The following NSUN6 variants were observed in gnomAD, a reference collection of about 807,000 sequenced individuals.
NSUN6 encodes tRNA (cytosine(72)-C(5))-methyltransferase NSUN6.
In NSUN6, 64 loss-of-function variants were observed where a neutral mutation model predicts 58.0. The ratio of observed to expected loss-of-function variants is 1.10; its 90% CI spans 0.90 to 1.36. NSUN6 has a LOEUF of 1.36. NSUN6 is among the 40% of genes most tolerant of loss of function. NSUN6 has a pLI of 0.00. For missense variants in NSUN6, 701 were observed against 550.1 expected (o/e 1.27, Z -2.74); for synonymous variants, 231 against 193.9 (o/e 1.19, Z -1.59).
upstream of NSUN6, chr10:18,653,061 A>G (rs2059736394): frequency 1.0e-6 from 1 of 984,444 alleles, no homozygotes; most frequent in African/African-American, 1.7e-5. Flanking sequence ...TGTCTAAATC[A>G]GACATTTCCA....
intron 8 of NSUN6, among the ~76,000 whole-genome samples, chr10:18,576,822 A>C (rs2056672731): frequency 6.6e-6 from 1 of 152,202 alleles, no homozygotes; most frequent in African/African-American, 2.4e-5. Context: ...CTGCCAAGTA[A>C]CTGGAGTGGC....
At chr10:18,653,722 C>T (rs555671851), upstream of NSUN6, among the ~76,000 whole-genome samples, 22 of 152,176 alleles carry the variant, frequency 1.4e-4, no homozygotes, top group Admixed American at 6.5e-4. Context: ...TTAATGTTGA[C>T]GAAGATATCT....
At chr10:18,577,562 T>C (rs1282110597) in intron 8 of NSUN6, among the ~76,000 whole-genome samples, 1 of 152,088 alleles carries the variant, frequency 6.6e-6, no homozygotes, top group East Asian at 1.9e-4. Context: ...GTTTCTCCTT[T>C]TGGAAAATCA....
intron 8 of NSUN6, among the ~76,000 whole-genome samples, chr10:18,562,892 GGAATGGAATGGAAGGAA>G (rs757420472): frequency 0.021 from 3,068 of 148,202 alleles, 40 homozygotes; most frequent in African/African-American, 0.029. Flanking sequence ...GGCATGGAGT[GGAATGGAATGGAAGGAA>G]GAATGGAATG....
intron 7 of NSUN6, among the ~76,000 whole-genome samples, chr10:18,586,821 C>G (rs1190510141): frequency 1.3e-5 from 2 of 152,170 alleles, no homozygotes; most frequent in African/African-American, 4.8e-5. Context: ...CCTTATTTGG[C>G]CCCGCCCACA....
chr10:18,610,039 A>G, intron 5 of NSUN6, 113 bp from the exon 6 acceptor site: 2 of 697,444 alleles, frequency 2.9e-6, no homozygotes, highest in Non-Finnish European at 5.1e-6. Context: ...CTATCTTTTT[A>G]AGAACTATTT....
At chr10:18,629,080 A>C (rs2058934436) in intron 3 of NSUN6, among the ~76,000 whole-genome samples, 1 of 152,230 alleles carries the variant, frequency 6.6e-6, no homozygotes, top group Non-Finnish European at 1.5e-5. Context: ...ACAAGCCAGA[A>C]GAGAGTGGGG....
intron 10 of NSUN6, among the ~76,000 whole-genome samples, chr10:18,546,937 G>GAAGAAA (rs929993571): frequency 2.0e-5 from 3 of 151,064 alleles, no homozygotes; most frequent in South Asian, 2.1e-4. Flanking sequence ...GGGAGGGGAA[G>GAAGAAA]AAGAAAAAGA....
chr10:18,628,484 G>A lies in NSUN6; in HGVS notation c.312-12191C>T, dbSNP rs552395959. On this transcript the variant is annotated intron_variant, in intron 3 of 10. Coordinates refer to ENST00000377304, the MANE Select transcript of NSUN6 (RefSeq NM_182543.5). ...GCTACGGGAGGAAATTCAAACCAAA[G>A]GCATTGAAGTTGAAAACTTTGAAAA... Among the ~76,000 whole-genome samples, 22 of 152,172 alleles carry A rather than the reference G, an allele frequency of 1.4e-4. 1 individual carries two copies. In the South Asian group the frequency reaches 4.6e-3, roughly 32 times the overall value.
chr10:18,582,396 G>A (rs2131080013), intron 8 of NSUN6, among the ~76,000 whole-genome samples: 1 of 152,268 alleles, frequency 6.6e-6, no homozygotes, highest in East Asian at 1.9e-4. Context: ...TTAAGCCTCA[G>A]CACACTCTTG....
chr10:18,618,696 A>G (rs562786404), intron 3 of NSUN6, among the ~76,000 whole-genome samples: 66 of 151,770 alleles, frequency 4.3e-4, no homozygotes, highest in African/African-American at 1.5e-3. Flanking sequence ...AAAAAAAAAA[A>G]AAAAAGAAAC....
intron 7 of NSUN6, among the ~76,000 whole-genome samples, chr10:18,587,055 T>C (rs2131126991): frequency 6.6e-6 from 1 of 152,344 alleles, no homozygotes; most frequent in African/African-American, 2.4e-5. Flanking sequence ...GGCTTTCCAT[T>C]AAGAAAATAC....
At chr10:18,643,416 T>C (rs1207754374) in intron 2 of NSUN6, among the ~76,000 whole-genome samples, 1 of 151,982 alleles carries the variant, frequency 6.6e-6, no homozygotes, top group Non-Finnish European at 1.5e-5. Context: ...ACATACTACA[T>C]AAAAGACCAA....
chr10:18,590,117 T>C (rs891131737), intron 7 of NSUN6, among the ~76,000 whole-genome samples: 3 of 152,032 alleles, frequency 2.0e-5, no homozygotes, highest in Admixed American at 2.0e-4. Flanking sequence ...TCCTAGTCTC[T>C]GATAAAACAG....
chr10:18,597,703 T>C (rs2057646679), intron 6 of NSUN6, among the ~76,000 whole-genome samples: 1 of 152,062 alleles, frequency 6.6e-6, no homozygotes, highest in South Asian at 2.1e-4. Context: ...GAGGTGGAGT[T>C]TGCAGTGAGC....
rs761482085 is a variant in NSUN6 at position 18,548,250 on chromosome 10, G to A, written c.1072-13C>T. 1.9e-6 allele frequency: 3 copies of A among 1,610,162 alleles called. No homozygotes were observed. Among genetic ancestry groups the A allele is most frequent in the Non-Finnish European group, 1.7e-6 (2 of 1,177,412 alleles). ...GCAGCTGAACCGCCTAAAGAAAACT[G>A]TGATCAGACCACACACAGCACAAGA... is the stretch of plus-strand genomic sequence containing the variant. On this transcript the variant is annotated splice_polypyrimidine_tract_variant and intron_variant, in intron 9 of 10. Coordinates refer to ENST00000377304, the MANE Select transcript of NSUN6 (RefSeq NM_182543.5).
intron 3 of NSUN6, among the ~76,000 whole-genome samples, chr10:18,619,952 C>A (rs1442904900): frequency 2.0e-5 from 3 of 151,838 alleles, no homozygotes; most frequent in African/African-American, 7.3e-5. Context: ...ATAAAACATC[C>A]CTTTTTTTTT....
At chr10:18,618,131 T>C (rs1458983565) in intron 3 of NSUN6, among the ~76,000 whole-genome samples, 3 of 152,322 alleles carry the variant, frequency 2.0e-5, no homozygotes, top group African/African-American at 7.2e-5. Flanking sequence ...TGTGGGCGTA[T>C]CTCCTGATGT....
intron 8 of NSUN6, among the ~76,000 whole-genome samples, chr10:18,575,587 C>T (rs1487976144): frequency 1.3e-5 from 2 of 152,150 alleles, no homozygotes; most frequent in East Asian, 3.9e-4. Flanking sequence ...ATACCATACT[C>T]CCTGGCACCA....
Sources: gnomAD v4.1 joint callset for allele counts (sites outside exome capture counted in the v4.1 genomes callset) on GRCh38, gnomAD v4.1.1 for gene constraint, MANE v1.5 for transcripts, NCBI Gene and HGNC (gene_info 2026-07-23, HGNC 2026-07-21) for gene names.